The following CCDC175 variants were observed in gnomAD, a reference collection of about 807,000 sequenced individuals.
CCDC175 encodes coiled-coil domain containing 175.
Under a neutral mutation model 114.6 loss-of-function variants are expected in CCDC175, and 100 were observed. The ratio of observed to expected loss-of-function variants is 0.87; its 90% CI spans 0.74 to 1.03. CCDC175 has a LOEUF of 1.03. Ranked by LOEUF, CCDC175 falls within the 50% of genes least tolerant of loss-of-function variation. CCDC175 has a pLI of 0.00. For missense variants in CCDC175, 880 were observed against 917.8 expected, an observed-to-expected ratio of 0.96 and a Z score of 0.53; for synonymous variants, 306 against 308.7, an observed-to-expected ratio of 0.99 and a Z score of 0.09.
intron 19 of CCDC175, among the ~76,000 whole-genome samples, chr14:59,506,364 T>G (rs1427048725): frequency 1.3e-5 from 2 of 150,668 alleles, no homozygotes; most frequent in Non-Finnish European, 3.0e-5. Flanking sequence ...CTCGGCTCAC[T>G]GCAACCTCCA....
intron 12 of CCDC175, 75 bp from the exon 13 acceptor site, chr14:59,538,229 T>A: frequency 8.0e-7 from 1 of 1,256,554 alleles, no homozygotes; most frequent in Non-Finnish European, 1.1e-6. Context: ...GCCAGGAAAT[T>A]AATATCTCTT....
chr14:59,572,612 G>A, intron 3 of CCDC175, 90 bp downstream of exon 3: 2 of 662,872 alleles, frequency 3.0e-6, no homozygotes, highest in Non-Finnish European at 2.4e-6. Context: ...TATCTTACAT[G>A]AGCAATAACT....
At chr14:59,546,573 C>T (rs1182884818) in intron 8 of CCDC175, among the ~76,000 whole-genome samples, 1 of 152,188 alleles carries the variant, frequency 6.6e-6, no homozygotes, top group Non-Finnish European at 1.5e-5. Flanking sequence ...GCCTTGAAAA[C>T]ACTTACTAAC....
At chr14:59,558,670 G>A (rs1418269883) in intron 7 of CCDC175, among the ~76,000 whole-genome samples, 1 of 152,102 alleles carries the variant, frequency 6.6e-6, no homozygotes, top group African/African-American at 2.4e-5. Flanking sequence ...GAGAAATCAA[G>A]AGTCTGTTCA....
At chr14:59,564,586 C>A in intron 5 of CCDC175, 2 of 151,106 alleles carry the variant, frequency 1.3e-5, no homozygotes, top group Non-Finnish European at 1.5e-5. Flanking sequence ...GCTCTCGAAA[C>A]ATTGTTTTCT....
At chr14:59,520,899 G>T (rs1180049642) in intron 17 of CCDC175, among the ~76,000 whole-genome samples, 1 of 152,174 alleles carries the variant, frequency 6.6e-6, no homozygotes, top group African/African-American at 2.4e-5. Flanking sequence ...TCTATATCTT[G>T]CTTGTGGTGA....
chr14:59,517,592 G>A (rs1389188245), intron 17 of CCDC175, among the ~76,000 whole-genome samples: 6 of 152,232 alleles, frequency 3.9e-5, no homozygotes, highest in South Asian at 2.1e-4. Flanking sequence ...AGAATAAAAT[G>A]CCTAGGAATC....
intron 3 of CCDC175, 135 bp downstream of exon 3, chr14:59,572,567 C>T (rs1254044988): frequency 8.4e-6 from 4 of 476,356 alleles, no homozygotes; most frequent in East Asian, 3.5e-5. Flanking sequence ...TATTACGGAC[C>T]TTACTGTGTT....
chr14:59,516,407 T>G (rs1030179455), intron 17 of CCDC175, among the ~76,000 whole-genome samples: 2 of 151,868 alleles, frequency 1.3e-5, no homozygotes, highest in African/African-American at 4.8e-5. Context: ...ATCAACAAAA[T>G]CGATAGATTG....
chr14:59,546,616 G>GT (rs201538817), intron 8 of CCDC175, among the ~76,000 whole-genome samples: 6,228 of 152,132 alleles, frequency 0.041, 162 homozygotes, highest in Non-Finnish European at 0.06. Context: ...CAAGTTTTGG[G>GT]TTTTTTTGCA....
At chr14:59,569,970 A>G (rs926464513) in intron 3 of CCDC175, among the ~76,000 whole-genome samples, 2 of 152,210 alleles carry the variant, frequency 1.3e-5, no homozygotes, top group African/African-American at 4.8e-5. Context: ...AGGCCTCATT[A>G]GAGAGGCTGC....
At chr14:59,575,511 T>C (rs925615808) in intron 1 of CCDC175, among the ~76,000 whole-genome samples, 3 of 147,704 alleles carry the variant, frequency 2.0e-5, no homozygotes, top group Non-Finnish European at 4.5e-5. Flanking sequence ...ATTCCTTTTT[T>C]TTTTTTTTTT....
intron 19 of CCDC175, among the ~76,000 whole-genome samples, chr14:59,505,588 CG>C (rs1892310317): frequency 6.6e-6 from 1 of 152,116 alleles, no homozygotes. Flanking sequence ...CAAGGCCTCA[CG>C]GGCAAATAAT....
chr14:59,533,785 G>A (rs531430243), intron 13 of CCDC175, among the ~76,000 whole-genome samples: 6 of 151,996 alleles, frequency 3.9e-5, no homozygotes, highest in Non-Finnish European at 7.4e-5. Flanking sequence ...TCAGGAGATC[G>A]AGACTATCCT....
chr14:59,560,612 A>G (rs749325692), intron 7 of CCDC175, among the ~76,000 whole-genome samples: 8 of 152,176 alleles, frequency 5.3e-5, no homozygotes, highest in Non-Finnish European at 7.3e-5. Flanking sequence ...AAACACTTCC[A>G]CAAAATGAAG....
chr14:59,521,855 T>A (rs930949570), intron 16 of CCDC175, among the ~76,000 whole-genome samples, 179 bp from the exon 17 acceptor site: 1 of 152,228 alleles, frequency 6.6e-6, no homozygotes, highest in African/African-American at 2.4e-5. Flanking sequence ...GGAAAGGAGA[T>A]AAAGGATTCT....
intron 17 of CCDC175, among the ~76,000 whole-genome samples, chr14:59,518,074 G>C (rs1330364029): frequency 6.6e-6 from 1 of 152,158 alleles, no homozygotes; most frequent in Non-Finnish European, 1.5e-5. Flanking sequence ...ATGGGGAAAC[G>C]ATTCCCTATT....
chr14:59,527,073 A>C (rs1893786171), intron 15 of CCDC175, 22 bp downstream of exon 15: 4 of 1,242,376 alleles, frequency 3.2e-6, no homozygotes, highest in Non-Finnish European at 4.3e-6. Flanking sequence ...TAAAAAAAAG[A>C]ATTAATGCAT....
At chr14:59,515,751 A>G (rs2139966373) in intron 17 of CCDC175, among the ~76,000 whole-genome samples, 1 of 152,350 alleles carries the variant, frequency 6.6e-6, no homozygotes, top group East Asian at 1.9e-4. Flanking sequence ...AACATTAGAC[A>G]GATCAATGAG....
Sources: gnomAD v4.1 joint callset for allele counts (sites outside exome capture counted in the v4.1 genomes callset) on GRCh38, gnomAD v4.1.1 for gene constraint, MANE v1.5 for transcripts, NCBI Gene and HGNC (gene_info 2026-07-23, HGNC 2026-07-21) for gene names.